Variants in BFSP1 observed in about 807,000 individuals in gnomAD.
The protein encoded by BFSP1 is beaded filament structural protein 1, also known as filensin.
Under a neutral mutation model 43.9 loss-of-function variants are expected in BFSP1, and 38 were observed. That is an observed-to-expected ratio of 0.87 (90% CI 0.67 to 1.14). BFSP1 has a LOEUF of 1.14. Ranked by LOEUF, BFSP1 falls within the 50% of genes most tolerant of loss-of-function variation. The pLI is 0.00. For missense variants in BFSP1, 850 were observed against 875.1 expected, an observed-to-expected ratio of 0.97 and a Z score of 0.36; for synonymous variants, 352 against 354.8, an observed-to-expected ratio of 0.99 and a Z score of 0.09.
chr20:17,547,811 A>T (rs1451617512), intron 1 of BFSP1, among the ~76,000 whole-genome samples: 14 of 148,784 alleles, frequency 9.4e-5, no homozygotes, highest in African/African-American at 3.4e-4. Flanking sequence ...GCTCACTGCA[A>T]CCTCTGCCTC....
chr20:17,551,785 C>A (rs1184195031), intron 1 of BFSP1, among the ~76,000 whole-genome samples: 1 of 152,030 alleles, frequency 6.6e-6, no homozygotes, highest in Non-Finnish European at 1.5e-5. Context: ...GAGTTCAAGA[C>A]CAGCCTGACC....
At chr20:17,526,690 G>A (rs2034432412) in intron 1 of BFSP1, among the ~76,000 whole-genome samples, 1 of 152,190 alleles carries the variant, frequency 6.6e-6, no homozygotes, top group Non-Finnish European at 1.5e-5. Flanking sequence ...CACAGAAATG[G>A]AAATGTTGCA....
At position 17,564,332 on chromosome 20, in the gene BFSP1, A is replaced by C. The variant is rs187140091; in HGVS notation, n.51-1237T>G. Among the ~76,000 whole-genome samples, 39 of 148,792 alleles carry C rather than the reference A, an allele frequency of 2.6e-4. 1 individual carries two copies. The highest frequency in any genetic ancestry group is 9.4e-4 in the African/African-American group (38 of 40,286). On this transcript the variant is annotated intron_variant and non_coding_transcript_variant, in intron 1 of 6. Coordinates refer to the BFSP1 transcript ENST00000473415. ...CAGTGAGCCGTGTTTGTACAACTGC[A>C]CTCCAGCCTGGGTGAGAGTGAGAAC...
intron 2 of BFSP1, chr20:17,516,767 G>A (rs915193736): frequency 9.9e-6 from 4 of 403,596 alleles, no homozygotes; most frequent in South Asian, 3.1e-5. Context: ...ATTAGTCAAT[G>A]TGCAACCCTT....
At chr20:17,534,768 C>T (rs1396915990), upstream of BFSP1, among the ~76,000 whole-genome samples, 1 of 152,170 alleles carries the variant, frequency 6.6e-6, no homozygotes, top group East Asian at 1.9e-4. Flanking sequence ...GCCTGTAATC[C>T]TAGCACTTTG....
upstream of BFSP1, among the ~76,000 whole-genome samples, chr20:17,561,737 C>T (rs775834302): frequency 1.4e-4 from 21 of 152,096 alleles, no homozygotes; most frequent in Non-Finnish European, 2.4e-4. Context: ...TGCAAGGAAC[C>T]GTGGGACTGT....
chr20:17,499,673 G>A (rs1372569430), intron 5 of BFSP1, among the ~76,000 whole-genome samples: 4 of 152,114 alleles, frequency 2.6e-5, no homozygotes, highest in Non-Finnish European at 5.9e-5. Flanking sequence ...TGTAATCCCA[G>A]AACTTTGGGA....
At chr20:17,530,150 G>A (rs1163632756) in intron 1 of BFSP1, among the ~76,000 whole-genome samples, 3 of 152,082 alleles carry the variant, frequency 2.0e-5, no homozygotes, top group East Asian at 1.9e-4. Flanking sequence ...GCAAACTCCC[G>A]GGTGATGCCA....
chr20:17,512,676 C>T (rs750892535), intron 3 of BFSP1, among the ~76,000 whole-genome samples: 20 of 152,138 alleles, frequency 1.3e-4, no homozygotes, highest in Admixed American at 4.6e-4. Flanking sequence ...GTTGTGATCA[C>T]CCCACTGTAC....
intron 1 of BFSP1, among the ~76,000 whole-genome samples, chr20:17,528,915 C>A (rs2034475366): frequency 6.6e-6 from 1 of 152,192 alleles, no homozygotes; most frequent in South Asian, 2.1e-4. Context: ...GCCAAGGGTT[C>A]CCAAATCTGG....
chr20:17,531,171 G>A lies in BFSP1; in HGVS notation c.159C>T (p.Ala53=). ...CGAGGGCGCGGGCCCGCTGGACGTG[G>A]GCGGCCACGCGCTCGCCGAGCCCCT... ...ALQGLGERVA[A]HVQRARALEQ... is the part of the protein sequence containing the mutation. The change falls in exon 1 of 8, where the codon GCC becomes GCT. Residue 53 remains alanine, a synonymous_variant. Transcript: ENST00000377873. The A allele has an allele frequency of 9.3e-6, 12 of 1,292,284 alleles. No homozygotes were observed. The highest frequency in any genetic ancestry group is 3.2e-5 in the East Asian group (1 of 30,822). The allele number at this position is 1,292,284 out of a possible 1,614,324, so 80.1% of individuals were successfully genotyped here.
Position 17,531,234 on chromosome 20 carries a change from G to C in BFSP1, c.96C>G (p.Asp32Glu). 7.2e-7 allele frequency: 1 copy of C among 1,397,412 alleles called. No homozygotes were observed. 86.6% of individuals were successfully genotyped at this position (1,397,412 alleles called of 1,614,324 possible). A position where few individuals can be genotyped will look rare whatever the true frequency, so the allele number is the denominator to read the frequency against. ...GGCTCGTTGCCCCAGCCCAGCCCTC[G>C]TCGGCCGGGCGCTCGGGCTCGGCGG... ...SRAAEPERPA[D>E]EGWAGATSLA... The change falls in exon 1 of 8, where the codon GAC (aspartate) becomes GAG (glutamate). Residue 32 changes from aspartate to glutamate, a missense_variant. Coordinates refer to ENST00000377873, the MANE Select transcript of BFSP1 (RefSeq NM_001195.5).
chr20:17,530,913 CCACG>C, intron 1 of BFSP1, 36 bp downstream of exon 1: 1 of 1,367,152 alleles, frequency 7.3e-7, no homozygotes, highest in Non-Finnish European at 9.4e-7. Context: ...CCGGGACGGC[CCACG>C]CCCTGCCTCG....
In BFSP1 at chr20:17,524,764, A is replaced by T. The variant is rs538669061; in HGVS notation, c.438+84T>A. 4.7e-5 allele frequency: 67 copies of T among 1,436,606 alleles called. No homozygotes were observed. In the African/African-American group the frequency reaches 8.0e-4, roughly 17 times the overall value. The allele number at this position is 1,436,606 out of a possible 1,614,324, so 89.0% of individuals were successfully genotyped here. ...TAGTGACCGCCAAAGTAACACAAAG[A>T]GGAAGCCTGTAAAACCTGCACTTCC... On this transcript the variant is annotated intron_variant, in intron 2 of 7. Coordinates refer to ENST00000377873, the MANE Select transcript of BFSP1 (RefSeq NM_001195.5).
rs1441318539 is a variant in BFSP1, at chr20:17,508,908, C to T, written c.716G>A (p.Arg239Lys). Residue 239 changes from arginine to lysine, a missense_variant, in exon 5 of 8, where the codon AGA (arginine) becomes AAA (lysine). Transcript: ENST00000377873. The part of the protein sequence containing the change: ...REVLSHLQAQ[R>K]VELQAQTTTL... ...GCGTACCTGTGCCTGCAGCTCCACT[C>T]TCTGCGCCTGCAGGTGGGAGAGCAC... is the stretch of plus-strand genomic sequence containing the variant. 6.2e-7 allele frequency: 1 copy of T among 1,603,562 alleles called. No individual in the cohort carries two copies. Among genetic ancestry groups the T allele is most frequent in the East Asian group, 2.3e-5 (1 of 44,246 alleles).
upstream of BFSP1, among the ~76,000 whole-genome samples, chr20:17,535,863 G>C (rs76661547): frequency 0.032 from 4,838 of 152,248 alleles, 91 homozygotes; most frequent in South Asian, 0.073. Context: ...GCAGAGAGGA[G>C]AATGGCTTAG....
intron 5 of BFSP1, among the ~76,000 whole-genome samples, chr20:17,506,108 G>A (rs147930074): frequency 5.3e-5 from 8 of 152,246 alleles, no homozygotes; most frequent in African/African-American, 9.6e-5. Flanking sequence ...GTTCGCTGCC[G>A]GCTCCGAACG....
intron 2 of BFSP1, among the ~76,000 whole-genome samples, chr20:17,519,334 G>A (rs969566779): frequency 1.3e-5 from 2 of 152,192 alleles, no homozygotes; most frequent in African/African-American, 4.8e-5. Flanking sequence ...CTGTACTGAA[G>A]CAAAGCCAAG....
At chr20:17,548,849 C>A (rs1261773413) in intron 1 of BFSP1, among the ~76,000 whole-genome samples, 1 of 151,980 alleles carries the variant, frequency 6.6e-6, no homozygotes, top group African/African-American at 2.4e-5. Context: ...GCTCTGTCAC[C>A]CAGGCTGGAG....
Sources: gnomAD v4.1 joint callset for allele counts (sites outside exome capture counted in the v4.1 genomes callset) on GRCh38, gnomAD v4.1.1 for gene constraint, MANE v1.5 for transcripts, NCBI Gene and HGNC (gene_info 2026-07-23, HGNC 2026-07-21) for gene names.